The following NEGR1 variants were observed in gnomAD, a reference collection of about 807,000 sequenced individuals.
The protein encoded by NEGR1 is neuronal growth regulator 1.
A neutral mutation model predicts 40.9 loss-of-function variants in NEGR1; 10 were observed. The observed-to-expected ratio is 0.24, with a 90% confidence interval of 0.15 to 0.42. The LOEUF (loss-of-function observed/expected upper bound fraction) is 0.42, where lower values mean the gene tolerates loss of function less well. Ranked by LOEUF, NEGR1 falls within the 10% of genes least tolerant of loss-of-function variation. NEGR1 has a pLI of 1.00. For synonymous variants in NEGR1, 185 were observed against 166.8 expected (o/e 1.11, Z -0.84); for missense variants, 352 against 438.9 (o/e 0.80, Z 1.77).
rs571190039 is a variant in NEGR1, at chr1:72,176,956, T to A, written c.176+105363A>T. 1.1e-3 allele frequency among the ~76,000 whole-genome samples: 162 copies of A among 152,134 alleles called. 1 individual carries two copies. The highest frequency in any genetic ancestry group is 3.6e-3 in the African/African-American group (150 of 41,550). On this transcript the variant is annotated intron_variant, in intron 1 of 6. Transcript: ENST00000357731. ...GAGTCAGTTTCAAGATAAATTCAGA[T>A]GAGATCGAGCGCGTTCAGGGTTGTA... is the stretch of plus-strand genomic sequence containing the variant.
chr1:72,005,592 T>G (rs1486351387), intron 1 of NEGR1, among the ~76,000 whole-genome samples: 1 of 152,216 alleles, frequency 6.6e-6, no homozygotes, highest in Admixed American at 6.5e-5. Flanking sequence ...TCTAAAATTT[T>G]GGTCCAAATA....
intron 2 of NEGR1, among the ~76,000 whole-genome samples, chr1:71,872,118 C>A (rs1347999154): frequency 6.6e-6 from 1 of 152,000 alleles, no homozygotes; most frequent in Non-Finnish European, 1.5e-5. Flanking sequence ...AACTATAGTC[C>A]ATTCAATTGC....
intron 1 of NEGR1, among the ~76,000 whole-genome samples, chr1:72,115,333 G>A (rs1649540377): frequency 6.6e-6 from 1 of 151,692 alleles, no homozygotes; most frequent in Non-Finnish European, 1.5e-5. Flanking sequence ...CTAAGAAAAT[G>A]TGGCTGGCAT....
intron 1 of NEGR1, among the ~76,000 whole-genome samples, chr1:72,219,875 T>C (rs1653952756): frequency 6.6e-6 from 1 of 152,118 alleles, no homozygotes; most frequent in Non-Finnish European, 1.5e-5. Context: ...CAACAAGTTA[T>C]TTATTTTGGT....
intron 2 of NEGR1, among the ~76,000 whole-genome samples, chr1:71,783,322 C>T (rs1032709700): frequency 6.6e-6 from 1 of 152,120 alleles, no homozygotes; most frequent in African/African-American, 2.4e-5. Flanking sequence ...ATCTACGTTA[C>T]ATAACAAACC....
chr1:72,012,539 A>G (rs1646666332), intron 1 of NEGR1, among the ~76,000 whole-genome samples: 1 of 152,194 alleles, frequency 6.6e-6, no homozygotes, highest in East Asian at 1.9e-4. Context: ...CTTGGACATC[A>G]TCCAATCAAG....
intron 5 of NEGR1, among the ~76,000 whole-genome samples, chr1:71,597,612 A>C (rs1033842044): frequency 6.6e-6 from 1 of 151,608 alleles, no homozygotes; most frequent in African/African-American, 2.4e-5. Context: ...AAGTAATCTC[A>C]TACTAAAAAT....
intron 2 of NEGR1, among the ~76,000 whole-genome samples, chr1:71,797,152 A>G (rs765058197): frequency 3.3e-5 from 5 of 152,158 alleles, no homozygotes; most frequent in Admixed American, 6.6e-5. Flanking sequence ...ACACTGTGCT[A>G]CATACTTTAT....
chr1:71,839,010 C>A (rs1033092254), intron 2 of NEGR1, among the ~76,000 whole-genome samples: 1 of 151,960 alleles, frequency 6.6e-6, no homozygotes, highest in Non-Finnish European at 1.5e-5. Flanking sequence ...GTAATCATCA[C>A]CTAGAAAATT....
intron 3 of NEGR1, among the ~76,000 whole-genome samples, chr1:71,707,709 T>C (rs1332881273): frequency 6.6e-6 from 1 of 152,054 alleles, no homozygotes; most frequent in East Asian, 2.0e-4. Flanking sequence ...CAGAGCTATA[T>C]TGACTTCAGG....
chr1:71,862,802 AT>A (rs1166317631), intron 2 of NEGR1, among the ~76,000 whole-genome samples: 1 of 152,080 alleles, frequency 6.6e-6, no homozygotes, highest in Non-Finnish European at 1.5e-5. Flanking sequence ...TGAACAGACG[AT>A]TCTCAAAAGA....
At chr1:72,035,209 AC>A (rs1033992452) in intron 1 of NEGR1, among the ~76,000 whole-genome samples, 2 of 151,858 alleles carry the variant, frequency 1.3e-5, no homozygotes, top group African/African-American at 4.8e-5. Flanking sequence ...CAAACCGGAG[AC>A]CCTCTCTCGG....
chr1:71,721,615 C>T (rs1654514238), intron 3 of NEGR1, among the ~76,000 whole-genome samples: 1 of 152,108 alleles, frequency 6.6e-6, no homozygotes. Flanking sequence ...GTGTGTGTGG[C>T]TGTGGTCCTG....
At chr1:71,637,183 T>A (rs1289337878) in intron 4 of NEGR1, among the ~76,000 whole-genome samples, 1 of 152,068 alleles carries the variant, frequency 6.6e-6, no homozygotes, top group Admixed American at 6.6e-5. Context: ...CTTCCCTACT[T>A]TCATGTGCAT....
chr1:72,124,858 T>G (rs1477690445), intron 1 of NEGR1, among the ~76,000 whole-genome samples: 1 of 152,106 alleles, frequency 6.6e-6, no homozygotes, highest in Non-Finnish European at 1.5e-5. Context: ...CATTTGAAAT[T>G]ACAAAGTCAC....
intron 6 of NEGR1, among the ~76,000 whole-genome samples, chr1:71,538,819 G>A (rs357241): frequency 0.99 from 150,122 of 151,848 alleles, 74,224 homozygotes; most frequent in East Asian, 1. Context: ...TACACAAGTT[G>A]TTACTGTCTA....
At chr1:72,079,708 G>C (rs568470801) in intron 1 of NEGR1, among the ~76,000 whole-genome samples, 1 of 152,076 alleles carries the variant, frequency 6.6e-6, no homozygotes, top group South Asian at 2.1e-4. Flanking sequence ...AAGGAATGAA[G>C]ACCAAATATA....
intron 6 of NEGR1, among the ~76,000 whole-genome samples, chr1:71,413,260 C>A (rs1646335258): frequency 6.6e-6 from 1 of 152,184 alleles, no homozygotes; most frequent in Non-Finnish European, 1.5e-5. Flanking sequence ...TCTAAACACT[C>A]CTCATTCACT....
intron 4 of NEGR1, among the ~76,000 whole-genome samples, chr1:71,668,660 T>C (rs1652318314): frequency 6.6e-6 from 1 of 152,064 alleles, no homozygotes; most frequent in Non-Finnish European, 1.5e-5. Flanking sequence ...ACCTAGAGCC[T>C]GAAAACATCA....
Sources: allele counts gnomAD v4.1 joint callset (sites outside exome capture counted in the v4.1 genomes callset), GRCh38; gene constraint gnomAD v4.1.1; transcripts MANE v1.5; gene names NCBI Gene and HGNC (gene_info 2026-07-23, HGNC 2026-07-21).